SYNJ1: variants seen among roughly 807,000 people sequenced by gnomAD.
SYNJ1 encodes the protein polyphosphatidylinositol phosphatase SYNJ1.
In SYNJ1, 78 loss-of-function variants were observed where a neutral mutation model predicts 168.2. That is an observed-to-expected ratio of 0.46 (90% CI 0.39 to 0.56). The LOEUF (loss-of-function observed/expected upper bound fraction) is 0.56, where lower values mean the gene tolerates loss of function less well. Ranked by LOEUF, SYNJ1 falls within the 20% of genes least tolerant of loss-of-function variation. SYNJ1 has a pLI of 0.00. For synonymous variants in SYNJ1, 539 were observed against 548.6 expected, an observed-to-expected ratio of 0.98 and a Z score of 0.24; for missense variants, 1,303 against 1,597.6, an observed-to-expected ratio of 0.82 and a Z score of 3.14.
rs779813770 is a variant in SYNJ1 at position 32,727,943 on chromosome 21, C to A, written c.-23+3G>T. ...GCTCCCCGCCCCCCGCCGGCTTGCT[C>A]ACCTCTTCCTCCGGCTCCTCCTCCT... On this transcript the variant is annotated splice_donor_region_variant and intron_variant, in intron 1 of 32. Coordinates refer to ENST00000674351, the MANE Select transcript of SYNJ1 (RefSeq NM_203446.3). 2 of 1,533,114 alleles carry A rather than the reference C, an allele frequency of 1.3e-6. No individual in the cohort carries two copies. Among genetic ancestry groups the A allele is most frequent in the South Asian group, 2.4e-5 (2 of 83,908 alleles). 95.0% of individuals were successfully genotyped at this position (1,533,114 alleles called of 1,614,324 possible). A position where few individuals can be genotyped will look rare whatever the true frequency, so the allele number is the denominator to read the frequency against.
At position 32,694,312 on chromosome 21, in the gene SYNJ1, C is replaced by A. The variant is rs1352617611; in HGVS notation, c.706-1G>T. 3 of 1,543,264 alleles carry A rather than the reference C, an allele frequency of 1.9e-6. No individual in the cohort carries two copies. The highest frequency in any genetic ancestry group is 2.4e-5 in the East Asian group (1 of 40,824). ...AAACTGAGTCATCTAAGTACACAAC[C>A]TACAGAAAAAAAAATAATATGTAAA... On this transcript the variant is annotated splice_acceptor_variant, in intron 5 of 32. Coordinates refer to ENST00000674351, the MANE Select transcript of SYNJ1 (RefSeq NM_203446.3). LOFTEE classifies it high-confidence loss of function.
intron 1 of SYNJ1, chr21:32,727,723 T>G: frequency 2.0e-6 from 2 of 987,882 alleles, no homozygotes; most frequent in Non-Finnish European, 2.8e-6. Context: ...GCGGGCGGGC[T>G]GACAGCCGCT....
In SYNJ1 at chr21:32,645,647, T is replaced by C. The variant is rs2040028150; in HGVS notation, c.3390A>G (p.Ser1130=). ...PAPPQRPPPP[S]GARSPAPTRK... is the part of the protein sequence containing the mutation. ...GAAATGGAAATAAAAGGTTGTCACC[T>C]GAAGGCGGAGGAGGTCTCTGTGGGG... The change falls in exon 25 of 33, where the codon TCA becomes TCG. Residue 1130 remains serine (S), a splice_region_variant and synonymous_variant. Coordinates refer to ENST00000674351, the MANE Select transcript of SYNJ1 (RefSeq NM_203446.3). 1.3e-6 allele frequency: 2 copies of C among 1,530,500 alleles called. No individual in the cohort carries two copies. Among genetic ancestry groups the C allele is most frequent in the East Asian group, 2.4e-5 (1 of 42,194 alleles). The allele number at this position is 1,530,500 out of a possible 1,614,324, so 94.8% of individuals were successfully genotyped here. A position where few individuals can be genotyped will look rare whatever the true frequency, so the allele number is the denominator to read the frequency against.
At position 32,712,337 on chromosome 21, in the gene SYNJ1, G is replaced by A. The variant is rs77663042; in HGVS notation, c.125-10290C>T. Among the ~76,000 whole-genome samples, 862 of 152,186 alleles carry A rather than the reference G, an allele frequency of 5.7e-3. 4 individuals are homozygous for A. Among genetic ancestry groups the A allele is most frequent in the Non-Finnish European group, 9.1e-3 (622 of 68,002 alleles). ...TAATCCAAGCTTCTCATTTTCAGAA[G>A]AAAAAGAGTAGAGATTAGATCATTC... On this transcript the variant is annotated intron_variant, in intron 2 of 32. Transcript: ENST00000674351.
intron 23 of SYNJ1, among the ~76,000 whole-genome samples, chr21:32,649,751 T>C (rs1307804721): frequency 2.0e-5 from 3 of 152,106 alleles, no homozygotes; most frequent in Non-Finnish European, 4.4e-5. Context: ...AATAAATTTG[T>C]TTTGTTTTGT....
intron 25 of SYNJ1, 144 bp downstream of exon 25, chr21:32,645,502 T>C: frequency 8.3e-7 from 1 of 1,210,146 alleles, no homozygotes; most frequent in Non-Finnish European, 1.1e-6. Flanking sequence ...GCCTACCATG[T>C]TCTTTAGAGA....
chr21:32,654,861 G>T (rs1248008275), intron 21 of SYNJ1, among the ~76,000 whole-genome samples: 1 of 152,116 alleles, frequency 6.6e-6, no homozygotes, highest in African/African-American at 2.4e-5. Flanking sequence ...GGTTCACAGG[G>T]TTTACTCACT....
intron 9 of SYNJ1, among the ~76,000 whole-genome samples, chr21:32,684,787 G>A (rs760101030): frequency 3.0e-4 from 45 of 152,168 alleles, no homozygotes; most frequent in Admixed American, 6.5e-5. Flanking sequence ...GGAGCCAGAC[G>A]AATCCCAGTT....
intron 2 of SYNJ1, among the ~76,000 whole-genome samples, chr21:32,708,401 T>C (rs577437015): frequency 8.5e-5 from 13 of 152,290 alleles, no homozygotes; most frequent in East Asian, 7.7e-4. Context: ...GTATTTTTTT[T>C]CCCCTCCTAT....
In SYNJ1 at chr21:32,664,963, C is replaced by A. The variant is rs145978776; in HGVS notation, c.2254G>T (p.Asp752Tyr). ...VKELIRQQNW[D>Y]SLIAGDQLIN... is the part of the protein sequence containing the mutation. ...AGTTGATCTCCTGCTATAAGAGAAT[C>A]CCAATTTTGCTGTCTTATGAGCTCT... The change falls in exon 18 of 33, where the codon GAT becomes TAT. Residue 752 changes from aspartate to tyrosine, a missense_variant. This residue lies in a region of SYNJ1 where 920 missense variants were observed against 1,208.8 expected (regional missense o/e 0.76). Transcript: ENST00000674351. 4.0e-4 allele frequency: 653 copies of A among 1,613,206 alleles called. No homozygotes were observed. The highest frequency in any genetic ancestry group is 5.4e-4 in the Non-Finnish European group (637 of 1,179,534).
At chr21:32,703,743 T>A (rs548176679) in intron 2 of SYNJ1, among the ~76,000 whole-genome samples, 40 of 152,026 alleles carry the variant, frequency 2.6e-4, no homozygotes, top group South Asian at 8.3e-4. Flanking sequence ...TTTTATTTTT[T>A]TTTTTTGAGA....
At chr21:32,706,541 C>T (rs186214993) in intron 2 of SYNJ1, among the ~76,000 whole-genome samples, 46 of 150,344 alleles carry the variant, frequency 3.1e-4, no homozygotes, top group African/African-American at 1.0e-3. Context: ...GTTATTTGTA[C>T]TATACTTCAA....
Position 32,726,872 on chromosome 21 carries a change from C to G in SYNJ1, c.24G>C (p.Arg8=). 6 of 1,614,122 alleles carry G rather than the reference C, an allele frequency of 3.7e-6. No homozygotes were observed. The highest frequency in any genetic ancestry group is 5.1e-6 in the Non-Finnish European group (6 of 1,180,022). The change falls in exon 2 of 33, where the codon CGG becomes CGC. Residue 8 remains arginine (R), a synonymous_variant. Coordinates refer to ENST00000674351, the MANE Select transcript of SYNJ1 (RefSeq NM_203446.3). Reference sequence around the variant, plus strand: ...GTGGGGGATCCAATTTGTGATAGATCCGGAATCCTTTACTGAACGCCATTC... The same window carrying G: ...GTGGGGGATCCAATTTGTGATAGATGCGGAATCCTTTACTGAACGCCATTC... MAFSKGF[R]IYHKLDPPPF... is the part of the protein sequence containing the mutation.
rs368780252 is a variant in SYNJ1 at position 32,678,481 on chromosome 21, AAC to A, written c.1510+162_1510+163del. Among the ~76,000 whole-genome samples the A allele has an allele frequency of 8.1e-4, 123 of 152,300 alleles. 1 individual carries two copies. The East Asian group carries it at 0.017, about 21-fold the overall frequency. On this transcript the variant is annotated intron_variant, in intron 12 of 32. Coordinates refer to ENST00000674351, the MANE Select transcript of SYNJ1 (RefSeq NM_203446.3). The stretch of plus-strand genomic sequence containing the variant: ...ACCACTGATTGTACAAATATTTTAA[AAC>A]AGACAAACTTCCCTTGGAGAATGTA...
chr21:32,668,661 A>T (rs1370411258), intron 15 of SYNJ1, among the ~76,000 whole-genome samples: 9 of 152,252 alleles, frequency 5.9e-5, no homozygotes, highest in Non-Finnish European at 1.2e-4. Flanking sequence ...ATGTCATAAA[A>T]GATGGGAAAC....
chr21:32,694,090 C>A (rs538989961), intron 6 of SYNJ1, 138 bp downstream of exon 6: 12 of 549,956 alleles, frequency 2.2e-5, no homozygotes, highest in African/African-American at 2.0e-4. Flanking sequence ...CTCGTCTAGA[C>A]CCTTATTTGC....
chr21:32,651,047 G>A (rs570718171), intron 22 of SYNJ1, among the ~76,000 whole-genome samples: 1 of 152,298 alleles, frequency 6.6e-6, no homozygotes, highest in African/African-American at 2.4e-5. Flanking sequence ...AGCAGATCGT[G>A]TCAATGTATT....
intron 6 of SYNJ1, among the ~76,000 whole-genome samples, chr21:32,689,331 T>C (rs1304269501): frequency 2.0e-5 from 3 of 152,156 alleles, no homozygotes; most frequent in South Asian, 4.1e-4. Context: ...GGAGTCTCAC[T>C]CTGTTGCCAG....
At position 32,631,505 on chromosome 21, in the gene SYNJ1, A is replaced by G; in HGVS notation, c.*300T>C. On this transcript the variant is annotated 3_prime_UTR_variant, in exon 33 of 33. Coordinates refer to ENST00000674351, the MANE Select transcript of SYNJ1 (RefSeq NM_203446.3). Reference sequence around the variant, plus strand: ...GAGCAGCAGTCCTGTCACTGAAAGGATTTGTCCTGGTCAAGCCAGTAATAA... The same window carrying G: ...GAGCAGCAGTCCTGTCACTGAAAGGGTTTGTCCTGGTCAAGCCAGTAATAA... 1.2e-6 allele frequency: 2 copies of G among 1,613,988 alleles called. No homozygotes were observed. The highest frequency in any genetic ancestry group is 1.1e-5 in the South Asian group (1 of 91,068).
Sources: allele counts gnomAD v4.1 joint callset (sites outside exome capture counted in the v4.1 genomes callset), GRCh38; gene constraint gnomAD v4.1.1; regional missense constraint gnomAD v4.1.1; transcripts MANE v1.5; gene names NCBI Gene and HGNC (gene_info 2026-07-23, HGNC 2026-07-21).